ESR2: variants seen among roughly 807,000 people sequenced by gnomAD.
ESR2 encodes the protein estrogen receptor beta.
A neutral mutation model predicts 49.6 loss-of-function variants in ESR2; 36 were observed. That is an observed-to-expected ratio of 0.73 (90% CI 0.56 to 0.96). The LOEUF (loss-of-function observed/expected upper bound fraction) is 0.96. Among genes scored for constraint, ESR2 ranks in the 40% least tolerant of loss-of-function variants. The probability of loss-of-function intolerance (pLI) is 0.00; values close to 1 mark genes in which losing one functional copy is unlikely to be tolerated. For missense variants in ESR2, 714 were observed against 693.0 expected (o/e 1.03, Z -0.34); for synonymous variants, 320 against 266.1 (o/e 1.20, Z -1.97).
At chr14:64,233,384 C>T in intron 8 of ESR2, 61 bp from the exon 9 acceptor site, 1 of 1,526,656 alleles carries the variant, frequency 6.6e-7, no homozygotes, top group African/African-American at 1.4e-5. Context: ...AACCCCGAAG[C>T]CTTCCCCGGC....
chr14:64,230,418 G>A lies in ESR2; in HGVS notation c.*2719C>T, dbSNP rs2098726080. ...ATATAATATGGCTCTGCCAAGTATT[G>A]GTAACTGATTTTTCTTCCTTACTGA... On this transcript the variant is annotated 3_prime_UTR_variant, in exon 9 of 9. Coordinates refer to ENST00000341099, the MANE Select transcript of ESR2 (RefSeq NM_001437.3). Among the ~76,000 whole-genome samples the A allele has an allele frequency of 6.6e-6, 1 of 151,926 alleles. No individual in the cohort carries two copies. The highest frequency in any genetic ancestry group is 6.6e-5 in the Admixed American group (1 of 15,260).
chr14:64,253,381 G>T (rs1457897729), intron 6 of ESR2, among the ~76,000 whole-genome samples: 1 of 151,464 alleles, frequency 6.6e-6, no homozygotes, highest in Admixed American at 6.6e-5. Context: ...AGTAAAGAAG[G>T]GGTTTCATCA....
In ESR2 at chr14:64,249,613, C is replaced by A. The variant is rs760024678; in HGVS notation, c.1158G>T (p.Arg386Ser). ...IFDMLLATTS[R>S]FRELKLQHKE... ...TGTGTTGGAGTTTTAACTCTCGAAA[C>A]CTTGAAGTAGTTGCCAGGAGCATGT... Residue 386 changes from arginine (R) to serine (S), a missense_variant, in exon 7 of 9, where the codon AGG becomes AGT. Arg to Ser is a moderately radical substitution (Grantham distance 110). Coordinates refer to ENST00000341099, the MANE Select transcript of ESR2 (RefSeq NM_001437.3). 2 of 1,613,878 alleles carry A rather than the reference C, an allele frequency of 1.2e-6. No homozygotes were observed. Among genetic ancestry groups the A allele is most frequent in the Admixed American group, 3.3e-5 (2 of 59,988 alleles).
intron 1 of ESR2, among the ~76,000 whole-genome samples, chr14:64,334,485 G>A (rs185142170): frequency 6.6e-5 from 10 of 152,314 alleles, no homozygotes; most frequent in African/African-American, 2.2e-4. Flanking sequence ...TTACTTCAGA[G>A]TGAATGATCG....
upstream of ESR2, chr14:64,338,147 A>C (rs979059768): frequency 1.3e-5 from 2 of 155,098 alleles, no homozygotes; most frequent in Non-Finnish European, 2.9e-5. Flanking sequence ...CTCCAACCCC[A>C]GACCTGCTGG....
At chr14:64,251,583 CA>C (rs942891904) in intron 6 of ESR2, among the ~76,000 whole-genome samples, 1 of 152,078 alleles carries the variant, frequency 6.6e-6, no homozygotes, top group Non-Finnish European at 1.5e-5. Flanking sequence ...ATTTATGTTC[CA>C]AAAATGGGAG....
At chr14:64,271,414 C>T (rs958902234) in intron 3 of ESR2, among the ~76,000 whole-genome samples, 3 of 152,202 alleles carry the variant, frequency 2.0e-5, no homozygotes, top group African/African-American at 7.2e-5. Flanking sequence ...CAACCTCCAC[C>T]TCCCGGGTTC....
intron 1 of ESR2, among the ~76,000 whole-genome samples, chr14:64,325,466 G>A (rs1209468821): frequency 6.6e-6 from 1 of 152,116 alleles, no homozygotes; most frequent in East Asian, 1.9e-4. Context: ...GTTAGGCACA[G>A]GAGAAAAAGG....
chr14:64,275,329 G>A (rs920818208), intron 3 of ESR2, among the ~76,000 whole-genome samples: 2 of 152,094 alleles, frequency 1.3e-5, no homozygotes, highest in Non-Finnish European at 2.9e-5. Context: ...TTTATTATTA[G>A]TGACCTTTTT....
intron 6 of ESR2, among the ~76,000 whole-genome samples, chr14:64,251,054 T>G (rs2075977002): frequency 6.6e-6 from 1 of 152,146 alleles, no homozygotes; most frequent in African/African-American, 2.4e-5. Flanking sequence ...AAGGCCGTCT[T>G]AGAGAATCCA....
chr14:64,295,159 G>T (rs1424752652), upstream of ESR2, among the ~76,000 whole-genome samples: 1 of 151,706 alleles, frequency 6.6e-6, no homozygotes, highest in Non-Finnish European at 1.5e-5. Flanking sequence ...TGATGAAAAT[G>T]AAAAGGAAAG....
intron 1 of ESR2, among the ~76,000 whole-genome samples, chr14:64,308,951 T>C (rs1338858923): frequency 6.6e-6 from 1 of 151,218 alleles, no homozygotes; most frequent in East Asian, 1.9e-4. Context: ...CCCCCTCAGT[T>C]TCTTTCTTTG....
chr14:64,250,611 GCAGCACA>G (rs1319945925), intron 6 of ESR2, among the ~76,000 whole-genome samples: 1 of 152,182 alleles, frequency 6.6e-6, no homozygotes, highest in Non-Finnish European at 1.5e-5. Context: ...CCAAAAGCCT[GCAGCACA>G]CAGAAAGGGC....
chr14:64,333,830 C>T (rs926801738), intron 1 of ESR2, among the ~76,000 whole-genome samples: 4 of 152,144 alleles, frequency 2.6e-5, no homozygotes, highest in African/African-American at 4.8e-5. Context: ...GGGACACAGA[C>T]AAACCATATC....
At position 64,277,327 on chromosome 14, in the gene ESR2, T is replaced by A. The variant is rs181276060; in HGVS notation, c.535+2654A>T. ...AGTTAGCAAGACAAGTTTAAAATTA[T>A]AAAAAACATAAGAATGGGCCAGGTG... On this transcript the variant is annotated intron_variant, in intron 3 of 8. Coordinates refer to ENST00000341099, the MANE Select transcript of ESR2 (RefSeq NM_001437.3). Among the ~76,000 whole-genome samples, 5 of 152,160 alleles carry A rather than the reference T, an allele frequency of 3.3e-5. No homozygotes were observed. In the East Asian group the frequency reaches 9.7e-4, roughly 29 times the overall value.
At chr14:64,263,744 A>G (rs1433121968) in intron 4 of ESR2, among the ~76,000 whole-genome samples, 2 of 152,212 alleles carry the variant, frequency 1.3e-5, no homozygotes, top group Non-Finnish European at 2.9e-5. Flanking sequence ...AGAAACTGAC[A>G]GATGCAGTAT....
chr14:64,245,618 G>A (rs960079757), intron 7 of ESR2, among the ~76,000 whole-genome samples: 5 of 149,418 alleles, frequency 3.3e-5, no homozygotes, highest in African/African-American at 7.4e-5. Context: ...TGTCTCCCTC[G>A]CCTTCTGTAA....
intron 4 of ESR2, among the ~76,000 whole-genome samples, chr14:64,266,458 T>C (rs2076330038): frequency 6.6e-6 from 1 of 152,376 alleles, no homozygotes; most frequent in East Asian, 1.9e-4. Context: ...CTTCCCTGCA[T>C]ACACTGCCTT....
chr14:64,227,918 T>C, downstream of ESR2: 1 of 1,597,662 alleles, frequency 6.3e-7, no homozygotes, highest in Non-Finnish European at 8.5e-7. Context: ...AATGAATTGC[T>C]TTTCTCCCCA....
Sources: allele counts gnomAD v4.1 joint callset (sites outside exome capture counted in the v4.1 genomes callset), GRCh38; gene constraint gnomAD v4.1.1; transcripts MANE v1.5; gene names NCBI Gene and HGNC (gene_info 2026-07-23, HGNC 2026-07-21).